The following CDH18 variants were observed in gnomAD, a reference collection of about 807,000 sequenced individuals.
CDH18 encodes the protein cadherin-18.
Under a neutral mutation model 67.9 loss-of-function variants are expected in CDH18, and 31 were observed. The observed-to-expected ratio is 0.46, with a 90% CI of 0.34 to 0.62. CDH18 has a LOEUF of 0.62. Ranked by LOEUF, CDH18 falls within the 20% of genes least tolerant of loss-of-function variation. The probability of loss-of-function intolerance (pLI) is 0.01; values close to 1 mark genes in which losing one functional copy is unlikely to be tolerated. For synonymous variants in CDH18, 362 were observed against 347.2 expected (o/e 1.04, Z -0.48); for missense variants, 890 against 975.5 (o/e 0.91, Z 1.17).
At chr5:19,568,098 C>G (rs1393035036) in intron 8 of CDH18, among the ~76,000 whole-genome samples, 6 of 152,126 alleles carry the variant, frequency 3.9e-5, no homozygotes. Flanking sequence ...GTCAGGTTTT[C>G]TCAACATTAG....
At chr5:19,767,859 A>C (rs111700430) in intron 3 of CDH18, among the ~76,000 whole-genome samples, 3 of 152,274 alleles carry the variant, frequency 2.0e-5, no homozygotes, top group African/African-American at 7.2e-5. Context: ...CATTCCAGGG[A>C]TGTATAGAAG....
intron 4 of CDH18, among the ~76,000 whole-genome samples, chr5:19,745,552 A>G (rs1390826454): frequency 6.6e-6 from 1 of 152,170 alleles, no homozygotes; most frequent in Non-Finnish European, 1.5e-5. Context: ...CAGTTCCTTG[A>G]TGTGGCAGAG....
intron 2 of CDH18, among the ~76,000 whole-genome samples, chr5:19,928,240 A>T (rs1296647650): frequency 6.6e-6 from 1 of 152,154 alleles, no homozygotes; most frequent in East Asian, 1.9e-4. Flanking sequence ...AATATTATTA[A>T]AACAGAATTC....
At chr5:20,037,713 T>C (rs1740007498) in intron 2 of CDH18, among the ~76,000 whole-genome samples, 1 of 151,944 alleles carries the variant, frequency 6.6e-6, no homozygotes, top group Non-Finnish European at 1.5e-5. Context: ...AGTGTTTAGA[T>C]GGAAATTTAT....
At chr5:19,644,578 G>C (rs535442936) in intron 5 of CDH18, among the ~76,000 whole-genome samples, 12 of 152,212 alleles carry the variant, frequency 7.9e-5, no homozygotes, top group African/African-American at 2.9e-4. Flanking sequence ...GACAATGTGG[G>C]TCATAGCTAG....
intron 2 of CDH18, among the ~76,000 whole-genome samples, chr5:19,994,736 TATAG>T (rs1372524094): frequency 1.1e-4 from 1 of 8,960 alleles, no homozygotes; most frequent in African/African-American, 4.8e-4. Flanking sequence ...TATATATATA[TATAG>T]AGAGAGAGAG....
chr5:20,020,148 A>G (rs1181771375), intron 2 of CDH18, among the ~76,000 whole-genome samples: 1 of 152,158 alleles, frequency 6.6e-6, no homozygotes, highest in Non-Finnish European at 1.5e-5. Flanking sequence ...AAGGCGTTCA[A>G]GAAGTGGCCT....
chr5:19,531,630 C>T (rs1403436819), intron 9 of CDH18, among the ~76,000 whole-genome samples: 2 of 151,962 alleles, frequency 1.3e-5, no homozygotes, highest in African/African-American at 2.4e-5. Context: ...CACACACACA[C>T]ACACACACAA....
chr5:20,242,024 A>G (rs1479371168), intron 2 of CDH18, among the ~76,000 whole-genome samples: 6 of 151,610 alleles, frequency 4.0e-5, no homozygotes, highest in Admixed American at 2.6e-4. Flanking sequence ...TCAAGTACAC[A>G]TAGGATAAAT....
chr5:20,067,450 C>T (rs1294748938), intron 2 of CDH18, among the ~76,000 whole-genome samples: 1 of 151,854 alleles, frequency 6.6e-6, no homozygotes, highest in African/African-American at 2.4e-5. Flanking sequence ...GGAAACATCT[C>T]ACCACCAAAA....
chr5:20,099,725 G>A (rs1472480625), intron 2 of CDH18, among the ~76,000 whole-genome samples: 2 of 152,132 alleles, frequency 1.3e-5, no homozygotes, highest in Non-Finnish European at 2.9e-5. Flanking sequence ...TTGACTGAGT[G>A]TGTCTATTAG....
intron 2 of CDH18, among the ~76,000 whole-genome samples, chr5:20,097,270 T>G (rs1022323921): frequency 1.3e-5 from 2 of 152,060 alleles, no homozygotes; most frequent in Admixed American, 6.6e-5. Flanking sequence ...TACCCAAGAC[T>G]GGGTGATCTA....
intron 4 of CDH18, among the ~76,000 whole-genome samples, chr5:19,746,337 T>C (rs1769993758): frequency 6.6e-6 from 1 of 152,172 alleles, no homozygotes. Flanking sequence ...AATATGTGAA[T>C]TTGCAAAAGT....
At chr5:20,373,171 T>G (rs1328961682) in intron 1 of CDH18, among the ~76,000 whole-genome samples, 2 of 152,200 alleles carry the variant, frequency 1.3e-5, no homozygotes, top group African/African-American at 4.8e-5. Context: ...CTCCGATGCC[T>G]AAAACAATTT....
intron 1 of CDH18, among the ~76,000 whole-genome samples, chr5:20,519,386 C>T (rs35836556): frequency 0.4 from 60,343 of 151,678 alleles, 13,428 homozygotes; most frequent in East Asian, 0.56. Context: ...AACCAAACAC[C>T]GCATGTTCTC....
chr5:19,880,502 T>C (rs1286132303), intron 2 of CDH18, among the ~76,000 whole-genome samples: 1 of 152,080 alleles, frequency 6.6e-6, no homozygotes, highest in Admixed American at 6.6e-5. Flanking sequence ...TAGATTTATT[T>C]GACAGTCTGT....
intron 1 of CDH18, chr5:20,304,041 G>C: frequency 6.5e-7 from 1 of 1,547,902 alleles, no homozygotes; most frequent in South Asian, 1.1e-5. Context: ...CCGACTTCGC[G>C]TGTTCAGGCA....
At chr5:19,660,384 C>G (rs1289907857) in intron 5 of CDH18, among the ~76,000 whole-genome samples, 1 of 152,064 alleles carries the variant, frequency 6.6e-6, no homozygotes, top group East Asian at 1.9e-4. Flanking sequence ...GCTGAATAGG[C>G]AACATACGTG....
In CDH18 at chr5:19,906,069, T is replaced by C. The variant is rs377278675; in HGVS notation, c.-256-66827A>G. On this transcript the variant is annotated intron_variant, in intron 2 of 12. Coordinates refer to ENST00000382275, the MANE Select transcript of CDH18 (RefSeq NM_004934.5). ...ACTTCAATTGAATAATCTGCAGAGA[T>C]AGTGAAAAACTAATCCATTCATTAG... 5.9e-5 allele frequency among the ~76,000 whole-genome samples: 9 copies of C among 152,010 alleles called. No homozygotes were observed. In the East Asian group the frequency reaches 9.6e-4, roughly 16 times the overall value.
Sources: gnomAD v4.1 joint callset for allele counts (sites outside exome capture counted in the v4.1 genomes callset) on GRCh38, gnomAD v4.1.1 for gene constraint, MANE v1.5 for transcripts, NCBI Gene and HGNC (gene_info 2026-07-23, HGNC 2026-07-21) for gene names.